The following SP4 variants were observed in gnomAD, a reference collection of about 807,000 sequenced individuals.
The protein encoded by SP4 is Sp4 transcription factor.
Under a neutral mutation model 72.8 loss-of-function variants are expected in SP4, and 19 were observed. That is an observed-to-expected ratio of 0.26 (90% CI 0.18 to 0.38). The LOEUF is 0.38. Ranked by LOEUF, SP4 falls within the 10% of genes least tolerant of loss-of-function variation. SP4 has a pLI of 1.00. For synonymous variants in SP4, 395 were observed against 333.1 expected (o/e 1.19, Z -2.02); for missense variants, 1,008 against 926.3 (o/e 1.09, Z -1.14).
intron 3 of SP4, among the ~76,000 whole-genome samples, chr7:21,451,859 C>T (rs1256999803): frequency 3.9e-5 from 6 of 152,252 alleles, no homozygotes; most frequent in African/African-American, 1.2e-4. Flanking sequence ...TTAAAGAATT[C>T]TGAGAATTCT....
chr7:21,506,590 T>C (rs1163291641), intron 5 of SP4, among the ~76,000 whole-genome samples: 1 of 152,114 alleles, frequency 6.6e-6, no homozygotes, highest in East Asian at 1.9e-4. Flanking sequence ...AAACCATGAT[T>C]TTTGCTTTTT....
chr7:21,488,304 T>C (rs1054453961), intron 5 of SP4, among the ~76,000 whole-genome samples: 2 of 151,260 alleles, frequency 1.3e-5, no homozygotes, highest in African/African-American at 4.8e-5. Context: ...TTTGCCCCAA[T>C]TTTTTGATAG....
At position 21,513,306 on chromosome 7, in the gene SP4, T is replaced by G. The variant is rs1055228053; in HGVS notation, c.*2037T>G. 6.6e-6 allele frequency: 1 copy of G among 152,084 alleles called. No homozygotes were observed. The highest frequency in any genetic ancestry group is 2.4e-5 in the African/African-American group (1 of 41,124). The allele number at this position is 152,084 out of a possible 1,614,324, so 9.4% of individuals were successfully genotyped here. A position where few individuals can be genotyped will look rare whatever the true frequency, so the allele number is the denominator to read the frequency against. ...CTTTGAGATTAAAGGAAAAAAAAAATTTTTACACTGTGGTTATAAATTTCA... is the reference window on the plus strand; with the variant it reads ...CTTTGAGATTAAAGGAAAAAAAAAAGTTTTACACTGTGGTTATAAATTTCA... On this transcript the variant is annotated 3_prime_UTR_variant, in exon 6 of 6. Transcript: ENST00000222584.
chr7:21,494,673 A>G (rs906210898), intron 5 of SP4, among the ~76,000 whole-genome samples: 1 of 152,212 alleles, frequency 6.6e-6, no homozygotes, highest in Non-Finnish European at 1.5e-5. Context: ...CAAGGATTGG[A>G]TGGCCCAATA....
At chr7:21,491,771 G>A (rs1019981475) in intron 5 of SP4, among the ~76,000 whole-genome samples, 1 of 152,062 alleles carries the variant, frequency 6.6e-6, no homozygotes, top group Non-Finnish European at 1.5e-5. Flanking sequence ...TTATGTCCAA[G>A]GAAAATATCC....
chr7:21,428,739 A>G lies in SP4; in HGVS notation c.70A>G (p.Lys24Glu). Reference protein sequence around the residue: ...AAAAMATEGGKTSEPENNNKK... With the variant: ...AAAAMATEGGETSEPENNNKK... ...AGCGGCGATGGCTACAGAAGGAGGGAAAACCTCTGAGCCAGAGAATAACAA... is the reference window on the plus strand; with the variant it reads ...AGCGGCGATGGCTACAGAAGGAGGGGAAACCTCTGAGCCAGAGAATAACAA... The change falls in exon 2 of 6, where the codon AAA becomes GAA. Residue 24 changes from lysine (K) to glutamate (E), a missense_variant. Around this residue, in one of 3 missense-constraint regions of SP4, gnomAD observed 893 missense variants for 743.3 expected, o/e 1.20. Coordinates refer to ENST00000222584, the MANE Select transcript of SP4 (RefSeq NM_003112.5). 1 of 1,553,864 alleles carries G rather than the reference A, an allele frequency of 6.4e-7. No individual in the cohort carries two copies. The highest frequency in any genetic ancestry group is 8.7e-7 in the Non-Finnish European group (1 of 1,148,258).
At chr7:21,469,238 G>A (rs1301725802) in intron 3 of SP4, among the ~76,000 whole-genome samples, 1 of 150,650 alleles carries the variant, frequency 6.6e-6, no homozygotes, top group Non-Finnish European at 1.5e-5. Context: ...AGTAAAAGAG[G>A]ATAATACAGA....
intron 3 of SP4, among the ~76,000 whole-genome samples, chr7:21,469,157 G>A (rs961577104): frequency 2.0e-5 from 3 of 152,070 alleles, no homozygotes; most frequent in Non-Finnish European, 4.4e-5. Context: ...TATGGTATAT[G>A]ATGAAATATT....
At chr7:21,507,706 G>A (rs2128417356) in intron 5 of SP4, among the ~76,000 whole-genome samples, 1 of 152,132 alleles carries the variant, frequency 6.6e-6, no homozygotes, top group Middle Eastern at 3.4e-3. Context: ...AAATGTCAGA[G>A]GGAGTCTCTT....
At chr7:21,439,370 G>A (rs1463239236) in intron 3 of SP4, among the ~76,000 whole-genome samples, 3 of 152,074 alleles carry the variant, frequency 2.0e-5, no homozygotes, top group Non-Finnish European at 4.4e-5. Flanking sequence ...TTTGTTGGGT[G>A]CAAGTACAAT....
chr7:21,472,768 A>G (rs189839291), intron 3 of SP4, among the ~76,000 whole-genome samples: 1 of 151,438 alleles, frequency 6.6e-6, no homozygotes, highest in East Asian at 1.9e-4. Flanking sequence ...TGAGACCCCC[A>G]TCTCTTAAAA....
intron 3 of SP4, among the ~76,000 whole-genome samples, chr7:21,439,972 C>A (rs887307544): frequency 6.6e-6 from 1 of 152,144 alleles, no homozygotes; most frequent in African/African-American, 2.4e-5. Context: ...AGTGATAATT[C>A]AGATTTATGA....
At chr7:21,469,544 T>G (rs1784266030) in intron 3 of SP4, among the ~76,000 whole-genome samples, 1 of 149,658 alleles carries the variant, frequency 6.7e-6, no homozygotes, top group African/African-American at 2.4e-5. Context: ...GTTATAATTT[T>G]TTTTTTTTTT....
At chr7:21,441,541 C>G (rs1225714557) in intron 3 of SP4, among the ~76,000 whole-genome samples, 1 of 152,110 alleles carries the variant, frequency 6.6e-6, no homozygotes, top group African/African-American at 2.4e-5. Flanking sequence ...AAACTTGAAT[C>G]TAGTGGATTG....
At chr7:21,487,260 A>C (rs1269395343) in intron 5 of SP4, among the ~76,000 whole-genome samples, 1 of 152,044 alleles carries the variant, frequency 6.6e-6, no homozygotes, top group African/African-American at 2.4e-5. Context: ...GTGTGCTGCT[A>C]ATTTCATAAT....
At chr7:21,433,609 T>C (rs1364791948) in intron 3 of SP4, among the ~76,000 whole-genome samples, 4 of 152,190 alleles carry the variant, frequency 2.6e-5, no homozygotes, top group Non-Finnish European at 5.9e-5. Context: ...TGAAACAACT[T>C]TGTTTTCATT....
intron 5 of SP4, among the ~76,000 whole-genome samples, chr7:21,494,827 A>C (rs1332563705): frequency 6.6e-6 from 1 of 152,178 alleles, no homozygotes; most frequent in African/African-American, 2.4e-5. Flanking sequence ...AACAGTTTCA[A>C]AAATAACATA....
In SP4 at chr7:21,514,546, GAAA is replaced by G. The variant is rs900210079; in HGVS notation, c.*3284_*3286del. On this transcript the variant is annotated 3_prime_UTR_variant, in exon 6 of 6. Transcript: ENST00000222584. ...ATTTTTTTTGTAAAAAAAAAAAAAT[GAAA>G]AAAAAAGATGAATCCAGAAAAAAAC... The G allele has an allele frequency of 9.3e-6, 1 of 107,490 alleles. No homozygotes were observed. 6.7% of individuals were successfully genotyped at this position (107,490 alleles called of 1,614,324 possible).
rs149709239 is a variant in SP4 at position 21,473,329 on chromosome 7, G to A, written c.1679-3750G>A. ...TTCAGTGTGGATAACAAGGAGAATAGGGGTAGCATTTACTGAAACAGGGAC... is the reference window on the plus strand; with the variant it reads ...TTCAGTGTGGATAACAAGGAGAATAAGGGTAGCATTTACTGAAACAGGGAC... On this transcript the variant is annotated intron_variant, in intron 3 of 5. Transcript: ENST00000222584. Among the ~76,000 whole-genome samples the A allele has an allele frequency of 1.9e-3, 293 of 152,304 alleles. 1 individual carries two copies. The highest frequency in any genetic ancestry group is 2.1e-3 in the Non-Finnish European group (146 of 68,020).
Sources: allele counts gnomAD v4.1 joint callset (sites outside exome capture counted in the v4.1 genomes callset), GRCh38; gene constraint gnomAD v4.1.1; regional missense constraint gnomAD v4.1.1; transcripts MANE v1.5; gene names NCBI Gene and HGNC (gene_info 2026-07-23, HGNC 2026-07-21).